Variants in PCDH15 observed in about 807,000 individuals in gnomAD.
PCDH15 encodes the protein protocadherin related 15, also known as protocadherin-15.
Under a neutral mutation model 178.5 loss-of-function variants are expected in PCDH15, and 129 were observed. The ratio of observed to expected loss-of-function variants is 0.72; its 90% CI spans 0.63 to 0.84. The LOEUF is 0.84. Ranked by LOEUF, PCDH15 falls within the 40% of genes least tolerant of loss-of-function variation. The pLI is 0.00. For synonymous variants in PCDH15, 800 were observed against 732.0 expected (o/e 1.09, Z -1.50); for missense variants, 2,230 against 2,099.9 (o/e 1.06, Z -1.21).
At chr10:54,937,032 G>T (rs1180277853) in intron 2 of PCDH15, among the ~76,000 whole-genome samples, 1 of 151,892 alleles carries the variant, frequency 6.6e-6, no homozygotes, top group African/African-American at 2.4e-5. Context: ...ATCGCGTAAG[G>T]AACAGTTCCA....
chr10:53,812,674 ACTAT>A (rs777409253), intron 35 of PCDH15, among the ~76,000 whole-genome samples: 3 of 152,332 alleles, frequency 2.0e-5, no homozygotes, highest in Admixed American at 1.3e-4. Context: ...GTTTCTGATA[ACTAT>A]CAAATGCAAT....
chr10:53,892,226 C>T (rs2081619556), intron 26 of PCDH15, among the ~76,000 whole-genome samples: 1 of 151,658 alleles, frequency 6.6e-6, no homozygotes, highest in Non-Finnish European at 1.5e-5. Context: ...TGGGTTTCAC[C>T]ATCTTGGCCA....
At chr10:54,599,046 A>G (rs1463950053) in intron 2 of PCDH15, among the ~76,000 whole-genome samples, 3 of 152,182 alleles carry the variant, frequency 2.0e-5, no homozygotes, top group Non-Finnish European at 4.4e-5. Context: ...AAATGACCAT[A>G]TTGCCCAAAG....
At chr10:54,565,266 G>A (rs949154733) in intron 2 of PCDH15, among the ~76,000 whole-genome samples, 1 of 152,106 alleles carries the variant, frequency 6.6e-6, no homozygotes, top group African/African-American at 2.4e-5. Context: ...TTGTCACATA[G>A]TTGTCTTGCA....
intron 21 of PCDH15, among the ~76,000 whole-genome samples, chr10:53,992,140 G>C (rs983115314): frequency 2.0e-5 from 3 of 151,990 alleles, no homozygotes; most frequent in African/African-American, 7.3e-5. Flanking sequence ...AACTCTGGAC[G>C]GGAGGAAGGA....
chr10:54,790,370 A>T (rs975089197), intron 1 of PCDH15, among the ~76,000 whole-genome samples: 3 of 151,342 alleles, frequency 2.0e-5, no homozygotes, highest in Non-Finnish European at 4.4e-5. Context: ...ATATGTAAAA[A>T]ATATATATAT....
chr10:54,130,183 G>A (rs951127035), intron 15 of PCDH15, among the ~76,000 whole-genome samples: 4 of 152,116 alleles, frequency 2.6e-5, no homozygotes, highest in Non-Finnish European at 5.9e-5. Context: ...GTAAATACTC[G>A]AGGAAATTAG....
intron 1 of PCDH15, among the ~76,000 whole-genome samples, chr10:55,224,242 A>G (rs1275664299): frequency 6.6e-6 from 1 of 152,138 alleles, no homozygotes; most frequent in Non-Finnish European, 1.5e-5. Flanking sequence ...AAGTACAGGT[A>G]AATGAATATG....
At chr10:54,639,693 G>A (rs903918545) in intron 2 of PCDH15, among the ~76,000 whole-genome samples, 4 of 152,084 alleles carry the variant, frequency 2.6e-5, no homozygotes, top group Non-Finnish European at 5.9e-5. Flanking sequence ...TCCTCTGAGA[G>A]TCTGGTAACA....
intron 15 of PCDH15, among the ~76,000 whole-genome samples, chr10:54,113,689 C>A (rs1564450222): frequency 6.8e-6 from 1 of 147,390 alleles, no homozygotes; most frequent in Non-Finnish European, 1.5e-5. Flanking sequence ...GAATAGCAAT[C>A]ATTATTTGTA....
At position 53,963,179 on chromosome 10, in the gene PCDH15, A is replaced by G. The variant is rs115835892; in HGVS notation, c.2869-1287T>C. ...TTCTTCAAGACTGTCCTTGAAAATA[A>G]TCTGTTGCTCATGTTGGTTCCTGAA... On this transcript the variant is annotated intron_variant, in intron 21 of 37. Transcript: ENST00000644397. 2.2e-3 allele frequency among the ~76,000 whole-genome samples: 338 copies of G among 152,302 alleles called. 2 individuals carry two copies. Among genetic ancestry groups the G allele is most frequent in the African/African-American group, 7.6e-3 (316 of 41,588 alleles).
chr10:54,165,217 C>G (rs2046100828), intron 13 of PCDH15, among the ~76,000 whole-genome samples: 1 of 151,982 alleles, frequency 6.6e-6, no homozygotes, highest in Non-Finnish European at 1.5e-5. Context: ...CCCAGTTTTC[C>G]CCCTTCTCTT....
chr10:54,678,802 A>G (rs181622096), intron 1 of PCDH15, among the ~76,000 whole-genome samples: 2 of 152,334 alleles, frequency 1.3e-5, no homozygotes, highest in African/African-American at 4.8e-5. Context: ...GGCAGGAAAT[A>G]ATAATGATAC....
chr10:54,449,069 C>T (rs1235489761), intron 3 of PCDH15, among the ~76,000 whole-genome samples: 1 of 151,620 alleles, frequency 6.6e-6, no homozygotes, highest in Non-Finnish European at 1.5e-5. Context: ...GTCTCTATTC[C>T]TTGGCTACGG....
At chr10:54,317,195 C>A in intron 8 of PCDH15, 76 bp downstream of exon 8, 1 of 1,489,766 alleles carries the variant, frequency 6.7e-7, no homozygotes, top group Non-Finnish European at 9.3e-7. Context: ...AATTATATGT[C>A]TACAAAATAC....
intron 3 of PCDH15, among the ~76,000 whole-genome samples, chr10:54,438,562 C>A (rs1217217545): frequency 3.9e-5 from 6 of 152,036 alleles, no homozygotes; most frequent in East Asian, 1.9e-4. Context: ...ATCTTGCCAT[C>A]AAAAGCTGCC....
intron 32 of PCDH15, chr10:53,822,594 G>A (rs868471762): frequency 1.2e-6 from 2 of 1,613,852 alleles, no homozygotes; most frequent in Non-Finnish European, 1.7e-6. Flanking sequence ...CCTAGAGAGT[G>A]AAGAATGTAA....
At chr10:54,004,960 AAAAC>A (rs1234226171) in intron 20 of PCDH15, among the ~76,000 whole-genome samples, 1 of 152,036 alleles carries the variant, frequency 6.6e-6, no homozygotes, top group Non-Finnish European at 1.5e-5. Context: ...ATAAAAAAAA[AAAAC>A]ACACATATAT....
At chr10:54,601,821 C>T (rs1454179121) in intron 2 of PCDH15, among the ~76,000 whole-genome samples, 2 of 151,904 alleles carry the variant, frequency 1.3e-5, no homozygotes, top group South Asian at 2.1e-4. Context: ...ATGTCCTTTG[C>T]GGTAACATGG....
Sources: allele counts gnomAD v4.1 joint callset (sites outside exome capture counted in the v4.1 genomes callset), GRCh38; gene constraint gnomAD v4.1.1; transcripts MANE v1.5; gene names NCBI Gene and HGNC (gene_info 2026-07-23, HGNC 2026-07-21).